The following GALNT17 variants were observed in gnomAD, a reference collection of about 807,000 sequenced individuals.
GALNT17 encodes polypeptide N-acetylgalactosaminyltransferase 17, also known as UDP-GalNAc:polypeptide N-acetylgalactosaminyltransferase-like 3.
A neutral mutation model predicts 63.7 loss-of-function variants in GALNT17; 29 were observed. The ratio of observed to expected loss-of-function variants is 0.46; its 90% confidence interval spans 0.34 to 0.62. The LOEUF is 0.62. Among genes scored for constraint, GALNT17 ranks in the 20% least tolerant of loss-of-function variants. The probability of loss-of-function intolerance (pLI) is 0.01; values close to 1 mark genes in which losing one functional copy is unlikely to be tolerated. For synonymous variants in GALNT17, 305 were observed against 318.3 expected (o/e 0.96, Z 0.45); for missense variants, 603 against 799.6 (o/e 0.75, Z 2.97).
rs373358125 is a variant in GALNT17, at chr7:71,670,122, G to A, written c.1404+13G>A. The A allele has an allele frequency of 4.0e-5, 64 of 1,613,708 alleles. No homozygotes were observed. The highest frequency in any genetic ancestry group is 5.0e-5 in the Admixed American group (3 of 59,968). The stretch of plus-strand genomic sequence containing the variant: ...TGCTTACGGGGAGGTAATTCAGACC[G>A]TGCATGCTTTTGGCTTGGAATGCTG... On this transcript the variant is annotated intron_variant, in intron 8 of 10. Transcript: ENST00000333538.
At chr7:71,530,080 T>C (rs1322246785) in intron 5 of GALNT17, among the ~76,000 whole-genome samples, 4 of 152,204 alleles carry the variant, frequency 2.6e-5, no homozygotes, top group Non-Finnish European at 5.9e-5. Context: ...CTTTTCCATT[T>C]TAACCAAGGC....
intron 1 of GALNT17, among the ~76,000 whole-genome samples, chr7:71,315,299 C>T (rs1475626222): frequency 1.3e-5 from 2 of 152,144 alleles, no homozygotes; most frequent in Admixed American, 1.3e-4. Context: ...GTTGTTTTGA[C>T]TTTTTGGCTG....
chr7:71,483,139 T>C (rs1787850963), intron 5 of GALNT17, among the ~76,000 whole-genome samples: 1 of 152,160 alleles, frequency 6.6e-6, no homozygotes, highest in African/African-American at 2.4e-5. Context: ...TTACCATGAA[T>C]GGAGCTCACA....
intron 9 of GALNT17, among the ~76,000 whole-genome samples, chr7:71,697,372 T>G (rs1791560993): frequency 6.6e-6 from 1 of 152,088 alleles, no homozygotes; most frequent in African/African-American, 2.4e-5. Flanking sequence ...TCTGGAATTT[T>G]GGGAGGAAAT....
intron 1 of GALNT17, among the ~76,000 whole-genome samples, chr7:71,312,002 C>T (rs1001887292): frequency 5.9e-5 from 9 of 152,206 alleles, no homozygotes; most frequent in African/African-American, 1.4e-4. Flanking sequence ...CCATGAGTGC[C>T]GTGACAGTTT....
At chr7:71,172,948 A>G (rs1374234956) in intron 1 of GALNT17, among the ~76,000 whole-genome samples, 1 of 152,180 alleles carries the variant, frequency 6.6e-6, no homozygotes, top group Non-Finnish European at 1.5e-5. Context: ...GAGAGAAGGA[A>G]AATGGGGCCA....
chr7:71,292,645 GAGAGAGAC>G (rs1216616164), intron 1 of GALNT17, among the ~76,000 whole-genome samples: 2 of 98,234 alleles, frequency 2.0e-5, no homozygotes, highest in African/African-American at 3.5e-5. Context: ...GAGAGAGAGA[GAGAGAGAC>G]AGAGAGAGAG....
chr7:71,393,943 G>A lies in GALNT17; in HGVS notation c.589+5542G>A, dbSNP rs182306221. Among the ~76,000 whole-genome samples, 46 of 152,144 alleles carry A rather than the reference G, an allele frequency of 3.0e-4. 4 individuals carry two copies. Among genetic ancestry groups the A allele is most frequent in the East Asian group, 2.9e-3 (15 of 5,160 alleles). ...TATTGTCACGCAGCTTCCTTGATGG[G>A]GTGTATCGCTCCTCCTGGTGCCCCG... On this transcript the variant is annotated intron_variant, in intron 3 of 10. Coordinates refer to ENST00000333538, the MANE Select transcript of GALNT17 (RefSeq NM_022479.3).
intron 1 of GALNT17, among the ~76,000 whole-genome samples, chr7:71,326,478 A>AAG (rs532526700): frequency 2.3e-4 from 35 of 151,760 alleles, no homozygotes; most frequent in Admixed American, 8.6e-4. Context: ...GAAAGCAAGA[A>AAG]AGAGAGAGAG....
intron 1 of GALNT17, among the ~76,000 whole-genome samples, chr7:71,259,638 G>GTTTTTTTTTTTTTTTTTTTTTT (rs1219751607): frequency 1.4e-5 from 2 of 137,970 alleles, no homozygotes; most frequent in African/African-American, 2.9e-5. Context: ...TTTGTTTTTT[G>GTTTTTTTTTTTTTTTTTTTTTT]TTTTTTTGTT....
intron 6 of GALNT17, among the ~76,000 whole-genome samples, chr7:71,577,621 G>A (rs1789560300): frequency 6.6e-6 from 1 of 152,274 alleles, no homozygotes; most frequent in African/African-American, 2.4e-5. Context: ...TCACCAGGAA[G>A]CGATTCAGAC....
At chr7:71,270,819 A>G (rs1790573808) in intron 1 of GALNT17, among the ~76,000 whole-genome samples, 1 of 151,940 alleles carries the variant, frequency 6.6e-6, no homozygotes, top group Non-Finnish European at 1.5e-5. Context: ...TTTCCCTCCC[A>G]CAGTCTGAAG....
At chr7:71,703,190 T>C (rs1285913362) in intron 9 of GALNT17, among the ~76,000 whole-genome samples, 1 of 152,242 alleles carries the variant, frequency 6.6e-6, no homozygotes, top group Non-Finnish European at 1.5e-5. Context: ...GTTTATAATT[T>C]ATAGATCCTG....
intron 5 of GALNT17, among the ~76,000 whole-genome samples, chr7:71,471,297 C>T (rs899498346): frequency 3.3e-5 from 5 of 150,538 alleles, no homozygotes; most frequent in African/African-American, 7.3e-5. Context: ...GGCTGGTCTC[C>T]GAACTGCTGG....
intron 5 of GALNT17, among the ~76,000 whole-genome samples, chr7:71,465,695 A>T (rs1276037740): frequency 6.6e-6 from 1 of 152,228 alleles, no homozygotes; most frequent in East Asian, 1.9e-4. Context: ...TGGAAAAGGC[A>T]TACAGATTTA....
In GALNT17 at chr7:71,482,081, A is replaced by ATGTGTGTGTGTGTG. The variant is rs10678512; in HGVS notation, c.962+60996_962+61009dup. 1.9e-3 allele frequency among the ~76,000 whole-genome samples: 259 copies of ATGTGTGTGTGTGTG among 138,256 alleles called. 4 individuals carry two copies. The highest frequency in any genetic ancestry group is 0.017 in the South Asian group (72 of 4,208). 90.7% of individuals were successfully genotyped at this position (138,256 alleles called of 152,430 possible). A position where few individuals can be genotyped will look rare whatever the true frequency, so the allele number is the denominator to read the frequency against. On this transcript the variant is annotated intron_variant, in intron 5 of 10. Transcript: ENST00000333538. Reference sequence around the variant, plus strand: ...GATGTATAGGTATACATATATGTATATGTGTGTGTGTGTGTGTGTGTGTGT... The same window carrying ATGTGTGTGTGTGTG: ...GATGTATAGGTATACATATATGTATATGTGTGTGTGTGTGTGTGTGTGTGTGTGTGTGTGTGTGT...
rs1442544605 is a variant in GALNT17, at chr7:71,265,169, C to G, written c.239-70381C>G. 2.4e-5 allele frequency among the ~76,000 whole-genome samples: 3 copies of G among 124,446 alleles called. No individual in the cohort carries two copies. In the South Asian group the frequency reaches 8.6e-4, roughly 36 times the overall value. 81.6% of individuals were successfully genotyped at this position (124,446 alleles called of 152,430 possible). A position where few individuals can be genotyped will look rare whatever the true frequency, so the allele number is the denominator to read the frequency against. ...TGAGATGGAGTCTCTCTCTGTCACT[C>G]AGTCTGGAGTGCAGTGGCGCGATCT... On this transcript the variant is annotated intron_variant, in intron 1 of 10. Transcript: ENST00000333538.
chr7:71,666,558 C>T (rs904785657), intron 7 of GALNT17, among the ~76,000 whole-genome samples: 67 of 151,920 alleles, frequency 4.4e-4, no homozygotes, highest in Non-Finnish European at 7.4e-4. Flanking sequence ...CGCCCCCCTC[C>T]CACTCTTCCC....
At chr7:71,642,859 G>A (rs1387285955) in intron 6 of GALNT17, among the ~76,000 whole-genome samples, 1 of 151,996 alleles carries the variant, frequency 6.6e-6, no homozygotes, top group Non-Finnish European at 1.5e-5. Context: ...ACCTCTTCTA[G>A]ATTCTCTATT....
Sources: gnomAD v4.1 joint callset for allele counts (sites outside exome capture counted in the v4.1 genomes callset) on GRCh38, gnomAD v4.1.1 for gene constraint, MANE v1.5 for transcripts, NCBI Gene and HGNC (gene_info 2026-07-23, HGNC 2026-07-21) for gene names.